The following ITGA2 variants were observed in gnomAD, a reference collection of about 807,000 sequenced individuals.
The protein encoded by ITGA2 is integrin alpha-2.
In ITGA2, 101 loss-of-function variants were observed where a neutral mutation model predicts 146.3. The ratio of observed to expected loss-of-function variants is 0.69; its 90% CI spans 0.59 to 0.81. The LOEUF (loss-of-function observed/expected upper bound fraction) is 0.81. Ranked by LOEUF, ITGA2 falls within the 40% of genes least tolerant of loss-of-function variation. The pLI, the probability that ITGA2 is intolerant of heterozygous loss-of-function variation, is 0.00. For missense variants in ITGA2, 1,281 were observed against 1,402.7 expected (o/e 0.91, Z 1.39); for synonymous variants, 477 against 487.1 (o/e 0.98, Z 0.27).
chr5:53,093,103 TCAAACAAA>T lies in ITGA2; in HGVS notation c.*2513_*2520del, dbSNP rs72277253. On this transcript the variant is annotated 3_prime_UTR_variant, in exon 30 of 30. Coordinates refer to ENST00000296585, the MANE Select transcript of ITGA2 (RefSeq NM_002203.4). ...CTGGGTGACAGGGCAAGACTCTGTCTCAAACAAACAAACAAAAAAAAAGTTAGTACTGT... is the reference window on the plus strand; with the variant it reads ...CTGGGTGACAGGGCAAGACTCTGTCTCAAACAAAAAAAAAGTTAGTACTGT... 2.0e-5 allele frequency: 3 copies of T among 151,958 alleles called. No individual in the cohort carries two copies. The highest frequency in any genetic ancestry group is 1.3e-4 in the Admixed American group (2 of 15,234). 9.4% of individuals were successfully genotyped at this position (151,958 alleles called of 1,614,324 possible).
At position 53,042,135 on chromosome 5, in the gene ITGA2, G is replaced by A. The variant is rs1743828766; in HGVS notation, c.209G>A (p.Ser70Asn). The change falls in exon 3 of 30, where the codon AGT (serine) becomes AAT (asparagine). Residue 70 changes from serine to asparagine, a missense_variant. Ser to Asn is a conservative substitution (Grantham distance 46). This residue lies in a region of ITGA2 where 795 missense variants were observed against 841.7 expected (regional missense o/e 0.94). Transcript: ENST00000296585. ...AGGTTACTGGTTGGTTCACCCTGGAGTGGCTTTCCTGAGAACCGAATGGGA... is the reference window on the plus strand; with the variant it reads ...AGGTTACTGGTTGGTTCACCCTGGAATGGCTTTCCTGAGAACCGAATGGGA... The part of the protein sequence containing the change: ...GNWLLVGSPW[S>N]GFPENRMGDV... 1 of 1,612,904 alleles carries A rather than the reference G, an allele frequency of 6.2e-7. No homozygotes were observed. Among genetic ancestry groups the A allele is most frequent in the African/African-American group, 1.3e-5 (1 of 74,888 alleles).
intron 17 of ITGA2, 117 bp from the exon 18 acceptor site, chr5:53,071,821 A>T: frequency 1.3e-6 from 1 of 742,344 alleles, no homozygotes. Context: ...CATAATTGAG[A>T]GCTGACTGTG....
At chr5:53,064,121 G>A (rs1224868029) in intron 13 of ITGA2, among the ~76,000 whole-genome samples, 1 of 151,824 alleles carries the variant, frequency 6.6e-6, no homozygotes, top group Non-Finnish European at 1.5e-5. Context: ...TAATAATGGA[G>A]ATATTAACAA....
chr5:53,080,902 G>A (rs780575918), intron 25 of ITGA2, among the ~76,000 whole-genome samples: 1 of 152,152 alleles, frequency 6.6e-6, no homozygotes, highest in Non-Finnish European at 1.5e-5. Context: ...AAGGCTGGGA[G>A]GTAAGGGGCT....
chr5:53,026,519 A>T (rs1474946155), intron 1 of ITGA2, among the ~76,000 whole-genome samples: 1 of 152,220 alleles, frequency 6.6e-6, no homozygotes, highest in Non-Finnish European at 1.5e-5. Context: ...ATCTTCTAGC[A>T]TTTCCATGAA....
intron 4 of ITGA2, among the ~76,000 whole-genome samples, chr5:53,047,198 C>G (rs1391318441): frequency 6.6e-6 from 1 of 152,170 alleles, no homozygotes; most frequent in African/African-American, 2.4e-5. Flanking sequence ...CCAATTACTT[C>G]TTGCAAGCCC....
chr5:52,998,643 G>A (rs1030534122), intron 1 of ITGA2, among the ~76,000 whole-genome samples: 5 of 152,036 alleles, frequency 3.3e-5, no homozygotes, highest in Non-Finnish European at 7.4e-5. Flanking sequence ...ATTCAATTTA[G>A]GTATCACTCC....
At chr5:53,081,081 C>G (rs1445190851) in intron 25 of ITGA2, among the ~76,000 whole-genome samples, 1 of 152,152 alleles carries the variant, frequency 6.6e-6, no homozygotes, top group Non-Finnish European at 1.5e-5. Flanking sequence ...GCAATTAAAT[C>G]AGAAGCTCTA....
rs866612949 is a variant in ITGA2, at chr5:53,093,611, T to C, written c.*3012T>C. The stretch of plus-strand genomic sequence containing the variant: ...CTGGGGGGCAGTATTTCTCAAGCAC[T>C]TTTAAGCAAAGGTAAGTATTCATAC... On this transcript the variant is annotated 3_prime_UTR_variant, in exon 30 of 30. Transcript: ENST00000296585. 5.3e-5 allele frequency: 8 copies of C among 152,210 alleles called. No individual in the cohort carries two copies. The highest frequency in any genetic ancestry group is 1.2e-4 in the Non-Finnish European group (8 of 68,038). 9.4% of individuals were successfully genotyped at this position (152,210 alleles called of 1,614,324 possible).
chr5:53,039,725 G>C (rs1743684978), intron 2 of ITGA2, among the ~76,000 whole-genome samples: 1 of 117,106 alleles, frequency 8.5e-6, no homozygotes, highest in Non-Finnish European at 1.7e-5. Flanking sequence ...AGGCAACAGA[G>C]TGAGACTCCA....
rs1202730828 is a variant in ITGA2 at position 53,060,978 on chromosome 5, C to T, written c.1390C>T (p.Gln464Ter). 3.7e-6 allele frequency: 6 copies of T among 1,612,356 alleles called. No homozygotes were observed. Among genetic ancestry groups the T allele is most frequent in the Non-Finnish European group, 1.7e-6 (2 of 1,178,868 alleles). ...AGAPRANYTG[Q>*]IVLYSVNENG... The stretch of plus-strand genomic sequence containing the variant: ...TGCTCCTCGGGCAAATTATACCGGC[C>T]AGATAGTGCTATATAGTGTGAATGA... Residue 464 changes from glutamine to a stop codon, truncating the protein, a stop_gained, in exon 12 of 30, where the codon CAG (glutamine) becomes TAG (stop). Transcript: ENST00000296585. LOFTEE classifies it high-confidence loss of function.
chr5:53,087,135 T>C (rs372543972), intron 28 of ITGA2, 94 bp downstream of exon 28: 5 of 822,340 alleles, frequency 6.1e-6, no homozygotes, highest in Middle Eastern at 2.4e-4. Context: ...TACCTACATG[T>C]ATGTAGAAGT....
In ITGA2 at chr5:53,026,757, ATTG is replaced by A. The variant is rs781582965; in HGVS notation, c.80_82del (p.Cys27del). 1.2e-6 allele frequency: 2 copies of A among 1,609,766 alleles called. No homozygotes were observed. Among genetic ancestry groups the A allele is most frequent in the Non-Finnish European group, 8.5e-7 (1 of 1,176,168 alleles). On this transcript the variant is annotated inframe_deletion, in exon 2 of 30. Transcript: ENST00000296585. ...ATATTTTTCTTAATAGGCATTTTAA[ATTG>A]TTGTTTGGCCTACAATGTTGGTCTC...
intron 23 of ITGA2, among the ~76,000 whole-genome samples, chr5:53,077,401 A>G (rs903166570): frequency 6.6e-6 from 1 of 152,096 alleles, no homozygotes; most frequent in African/African-American, 2.4e-5. Flanking sequence ...TGATGGGTAG[A>G]AATAGCGATA....
At position 53,080,538 on chromosome 5, in the gene ITGA2, A is replaced by T; in HGVS notation, c.2956A>T (p.Met986Leu). The T allele has an allele frequency of 6.2e-7, 1 of 1,613,648 alleles. No homozygotes were observed. The highest frequency in any genetic ancestry group is 8.5e-7 in the Non-Finnish European group (1 of 1,179,664). Residue 986 changes from methionine (M) to leucine (L), a missense_variant, in exon 25 of 30, where the codon ATG becomes TTG. Physicochemically the swap from Met to Leu is conservative, Grantham distance 15 (BLOSUM62 2). Transcript: ENST00000296585. ...AACAACAGGAAGTGTTCCAGTAAGC[A>T]TGGCAACTGTAATCATCCACATCCC... ...KVTTGSVPVS[M>L]ATVIIHIPQY...
intron 1 of ITGA2, among the ~76,000 whole-genome samples, chr5:53,017,556 G>A (rs549795334): frequency 1.8e-4 from 27 of 152,322 alleles, no homozygotes; most frequent in South Asian, 6.2e-4. Context: ...AGGATCCATC[G>A]TCACTTTTAT....
intron 23 of ITGA2, among the ~76,000 whole-genome samples, chr5:53,078,188 T>C (rs1250152835): frequency 1.3e-5 from 2 of 152,108 alleles, no homozygotes; most frequent in Non-Finnish European, 2.9e-5. Flanking sequence ...ATCATCCATC[T>C]TAAAGGTGGT....
At chr5:53,030,830 C>T (rs144260092) in intron 2 of ITGA2, among the ~76,000 whole-genome samples, 86 of 152,322 alleles carry the variant, frequency 5.6e-4, no homozygotes, top group African/African-American at 1.8e-3. Context: ...CTTTCAGTGT[C>T]ACTAGCTATA....
intron 1 of ITGA2, 99 bp downstream of exon 1, chr5:52,989,631 T>C (rs1740819550): frequency 5.2e-6 from 7 of 1,334,828 alleles, no homozygotes; most frequent in Non-Finnish European, 6.4e-6. Context: ...GCGAGCTCCG[T>C]GTGTTCCCTC....
Sources: gnomAD v4.1 joint callset for allele counts (sites outside exome capture counted in the v4.1 genomes callset) on GRCh38, gnomAD v4.1.1 for gene constraint, gnomAD v4.1.1 regional missense constraint, MANE v1.5 for transcripts, NCBI Gene and HGNC (gene_info 2026-07-23, HGNC 2026-07-21) for gene names.